The following UNC13C variants were observed in gnomAD, a reference collection of about 807,000 sequenced individuals.
UNC13C encodes the protein protein unc-13 homolog C.
A neutral mutation model predicts 245.4 loss-of-function variants in UNC13C; 174 were observed. That is an observed-to-expected ratio of 0.71 (90% CI 0.63 to 0.80). The LOEUF is 0.80. Among genes scored for constraint, UNC13C ranks in the 30% least tolerant of loss-of-function variants. The pLI, the probability that UNC13C is intolerant of heterozygous loss-of-function variation, is 0.00. For synonymous variants in UNC13C, 992 were observed against 895.1 expected, an observed-to-expected ratio of 1.11 and a Z score of -1.93; for missense variants, 2,829 against 2,602.9, an observed-to-expected ratio of 1.09 and a Z score of -1.89.
At chr15:53,903,785 C>G in the UNC13C span, among the ~76,000 whole-genome samples, 1 of 152,092 alleles carries the variant, frequency 6.6e-6, no homozygotes, top group Non-Finnish European at 1.5e-5. Flanking sequence ...ATATGTATAA[C>G]CTAATTTGCT....
At chr15:54,378,236 C>T (rs1299472636) in intron 17 of UNC13C, among the ~76,000 whole-genome samples, 1 of 152,070 alleles carries the variant, frequency 6.6e-6, no homozygotes, top group African/African-American at 2.4e-5. Flanking sequence ...GTACAACAAC[C>T]CATCATGTAT....
chr15:53,927,110 C>T, the UNC13C span, among the ~76,000 whole-genome samples: 1 of 152,128 alleles, frequency 6.6e-6, no homozygotes, highest in Non-Finnish European at 1.5e-5. Context: ...CTCATAACCA[C>T]CAGGCAAAGT....
intron 2 of UNC13C, among the ~76,000 whole-genome samples, chr15:54,115,267 A>G (rs2030155828): frequency 6.6e-6 from 1 of 152,146 alleles, no homozygotes; most frequent in Admixed American, 6.5e-5. Context: ...GTTTTAATGT[A>G]CAAAAATGTA....
chr15:54,136,457 G>A (rs188755170), intron 2 of UNC13C, among the ~76,000 whole-genome samples: 4 of 151,986 alleles, frequency 2.6e-5, no homozygotes, highest in Non-Finnish European at 5.9e-5. Flanking sequence ...GGAGTCTAGG[G>A]TTTTCCATAT....
intron 4 of UNC13C, among the ~76,000 whole-genome samples, chr15:54,198,511 G>C (rs528729807): frequency 5.3e-5 from 8 of 152,278 alleles, no homozygotes; most frequent in African/African-American, 1.9e-4. Context: ...AGCTGCAAGA[G>C]CTGAAAATGG....
intron 22 of UNC13C, among the ~76,000 whole-genome samples, chr15:54,505,284 C>T (rs74568487): frequency 2.2e-3 from 339 of 152,272 alleles, no homozygotes; most frequent in African/African-American, 7.8e-3. Context: ...CCAGGTGCCC[C>T]GTCCATCACA....
intron 19 of UNC13C, among the ~76,000 whole-genome samples, chr15:54,472,492 A>G (rs1892515688): frequency 6.6e-6 from 1 of 151,844 alleles, no homozygotes; most frequent in Non-Finnish European, 1.5e-5. Flanking sequence ...TCATATCAGT[A>G]ATTAGCATCC....
the UNC13C span, among the ~76,000 whole-genome samples, chr15:53,921,376 C>CT: frequency 1.3e-5 from 2 of 152,036 alleles, no homozygotes; most frequent in Admixed American, 6.6e-5. Context: ...TTATATAGCT[C>CT]TTTTTTAAAA....
At chr15:54,097,629 A>G (rs1215061553) in intron 2 of UNC13C, among the ~76,000 whole-genome samples, 2 of 152,176 alleles carry the variant, frequency 1.3e-5, no homozygotes, top group African/African-American at 4.8e-5. Context: ...CTTTGTAGCA[A>G]CTTCTAGGAG....
intron 2 of UNC13C, among the ~76,000 whole-genome samples, chr15:54,018,725 C>T (rs912075506): frequency 6.6e-5 from 10 of 152,142 alleles, no homozygotes; most frequent in Admixed American, 6.5e-4. Context: ...CTCAAAATTC[C>T]CATGTACTTG....
rs1474586552 is a variant in UNC13C, at chr15:54,548,496, C to T, written c.5821-1139C>T. On this transcript the variant is annotated intron_variant, in intron 27 of 32. Coordinates refer to ENST00000260323, the MANE Select transcript of UNC13C (RefSeq NM_001080534.3). ...TTAGCTTCACTGAGTTCCCTGCTAG[C>T]TGTCCAAGCCATATCCCAAAGTAGC... is the stretch of plus-strand genomic sequence containing the variant. Among the ~76,000 whole-genome samples, 9 of 152,130 alleles carry T rather than the reference C, an allele frequency of 5.9e-5. No individual in the cohort carries two copies. In the East Asian group the frequency reaches 1.4e-3, roughly 23 times the overall value.
intron 4 of UNC13C, among the ~76,000 whole-genome samples, chr15:54,148,128 A>G (rs1396486796): frequency 1.3e-5 from 2 of 152,210 alleles, no homozygotes; most frequent in Non-Finnish European, 1.5e-5. Flanking sequence ...ACAGAGAAAA[A>G]TGAAGAGACA....
At position 54,013,608 on chromosome 15, in the gene UNC13C, C is replaced by T; in HGVS notation, c.705C>T (p.Cys235=). 6.2e-7 allele frequency: 1 copy of T among 1,613,522 alleles called. No homozygotes were observed. The highest frequency in any genetic ancestry group is 1.1e-5 in the South Asian group (1 of 91,004). ...ALEPGFSSSG[C]ISQTHDVMEM... ...AGCCAGGGTTCAGTTCCTCTGGCTG[C>T]ATTAGCCAAACACATGATGTCATGG... is the stretch of plus-strand genomic sequence containing the variant. The change falls in exon 2 of 33, where the codon TGC becomes TGT. Residue 235 remains cysteine, a synonymous_variant. Transcript: ENST00000260323.
chr15:53,957,272 G>A, the UNC13C span, among the ~76,000 whole-genome samples: 2 of 152,066 alleles, frequency 1.3e-5, no homozygotes, highest in Middle Eastern at 3.2e-3. Flanking sequence ...CTCTTGAGTA[G>A]CTAGGATTAC....
chr15:54,243,452 G>T (rs1165340286), intron 7 of UNC13C, among the ~76,000 whole-genome samples: 1 of 152,126 alleles, frequency 6.6e-6, no homozygotes, highest in Non-Finnish European at 1.5e-5. Context: ...ACATCTGCAT[G>T]CATGTATCTT....
chr15:54,163,089 G>C (rs185543773), intron 4 of UNC13C, among the ~76,000 whole-genome samples: 1 of 152,114 alleles, frequency 6.6e-6, no homozygotes, highest in East Asian at 1.9e-4. Flanking sequence ...GTTACCTTAC[G>C]TGGCAAAAGG....
At chr15:54,226,075 TG>T (rs1422951597) in intron 4 of UNC13C, among the ~76,000 whole-genome samples, 2 of 152,210 alleles carry the variant, frequency 1.3e-5, no homozygotes, top group African/African-American at 4.8e-5. Flanking sequence ...ACATGGTTTT[TG>T]TTTTTAGTTC....
intron 16 of UNC13C, among the ~76,000 whole-genome samples, chr15:54,336,849 T>C (rs1015915437): frequency 6.6e-6 from 1 of 152,132 alleles, no homozygotes; most frequent in Non-Finnish European, 1.5e-5. Context: ...ACCACTACCA[T>C]CCTGTCTTGA....
intron 2 of UNC13C, among the ~76,000 whole-genome samples, chr15:54,061,082 C>G (rs746294166): frequency 1.3e-5 from 2 of 150,058 alleles, no homozygotes; most frequent in African/African-American, 4.9e-5. Context: ...CAAACGTGCA[C>G]GTTGTGCACA....
Sources: gnomAD v4.1 joint callset for allele counts (sites outside exome capture counted in the v4.1 genomes callset) on GRCh38, gnomAD v4.1.1 for gene constraint, MANE v1.5 for transcripts, NCBI Gene and HGNC (gene_info 2026-07-23, HGNC 2026-07-21) for gene names.